AGBL4: variants seen among roughly 807,000 people sequenced by gnomAD.
AGBL4 encodes AGBL carboxypeptidase 4, also known as cytosolic carboxypeptidase 6.
A neutral mutation model predicts 66.4 loss-of-function variants in AGBL4; 58 were observed. The ratio of observed to expected loss-of-function variants is 0.87; its 90% CI spans 0.71 to 1.09. The LOEUF (loss-of-function observed/expected upper bound fraction) is 1.09. Among genes scored for constraint, AGBL4 ranks in the 50% least tolerant of loss-of-function variants. AGBL4 has a pLI of 0.00. For synonymous variants in AGBL4, 234 were observed against 222.9 expected, an observed-to-expected ratio of 1.05 and a Z score of -0.44; for missense variants, 579 against 631.0, an observed-to-expected ratio of 0.92 and a Z score of 0.88.
chr1:48,846,413 GA>G (rs1049689800), intron 6 of AGBL4, among the ~76,000 whole-genome samples: 2 of 144,980 alleles, frequency 1.4e-5, no homozygotes, highest in Non-Finnish European at 3.0e-5. Flanking sequence ...AAGAAAGAAA[GA>G]AAGAAAGAAA....
chr1:49,695,467 G>T (rs1427650836), intron 3 of AGBL4, among the ~76,000 whole-genome samples: 1 of 152,084 alleles, frequency 6.6e-6, no homozygotes, highest in Non-Finnish European at 1.5e-5. Flanking sequence ...ATACTTTAAG[G>T]ATTATTGATT....
At chr1:49,334,205 C>T (rs960706590) in intron 3 of AGBL4, among the ~76,000 whole-genome samples, 5 of 148,624 alleles carry the variant, frequency 3.4e-5, no homozygotes, top group Non-Finnish European at 5.9e-5. Flanking sequence ...TATTTAAGTA[C>T]GTAGATAAGG....
chr1:49,029,377 G>A (rs1664026460), intron 5 of AGBL4, among the ~76,000 whole-genome samples: 1 of 152,068 alleles, frequency 6.6e-6, no homozygotes, highest in Non-Finnish European at 1.5e-5. Context: ...GAATGAAAAT[G>A]CAAAGCTAAA....
intron 7 of AGBL4, among the ~76,000 whole-genome samples, chr1:48,656,583 G>C (rs967256439): frequency 1.3e-5 from 2 of 152,222 alleles, no homozygotes; most frequent in Non-Finnish European, 2.9e-5. Flanking sequence ...AGAGATATTG[G>C]AAAGGGGACT....
At position 48,982,371 on chromosome 1, in the gene AGBL4, G is replaced by A. The variant is rs956402369; in HGVS notation, c.594+63213C>T. On this transcript the variant is annotated intron_variant, in intron 5 of 13. Coordinates refer to ENST00000371839, the MANE Select transcript of AGBL4 (RefSeq NM_032785.4). ...TCCCCCCACCCCACAACAGGCCCCA[G>A]TGTGTGATGTTCCCCTTCCTGTGTC... Among the ~76,000 whole-genome samples, 8 of 152,060 alleles carry A rather than the reference G, an allele frequency of 5.3e-5. No individual in the cohort carries two copies. The South Asian group carries it at 8.3e-4, about 16-fold the overall frequency.
At chr1:48,694,698 C>T (rs1646687643) in intron 6 of AGBL4, among the ~76,000 whole-genome samples, 1 of 152,200 alleles carries the variant, frequency 6.6e-6, no homozygotes, top group Non-Finnish European at 1.5e-5. Flanking sequence ...TATCCATCAG[C>T]TTCCACTCTG....
At chr1:49,614,902 A>G (rs1645222889) in intron 3 of AGBL4, among the ~76,000 whole-genome samples, 1 of 152,142 alleles carries the variant, frequency 6.6e-6, no homozygotes, top group African/African-American at 2.4e-5. Flanking sequence ...TATTTTATTC[A>G]TATTAGCACT....
At chr1:49,166,907 T>C (rs914148119) in intron 4 of AGBL4, among the ~76,000 whole-genome samples, 2 of 152,210 alleles carry the variant, frequency 1.3e-5, no homozygotes, top group African/African-American at 4.8e-5. Context: ...GATTCTTTTC[T>C]TCCCCATTTT....
intron 2 of AGBL4, among the ~76,000 whole-genome samples, chr1:49,766,778 A>G (rs1652761282): frequency 1.3e-5 from 2 of 152,146 alleles, no homozygotes; most frequent in South Asian, 4.1e-4. Context: ...AACAGAGGTC[A>G]GGTCAATGTT....
In AGBL4 at chr1:49,261,920, C is replaced by T. The variant is rs1442781790; in HGVS notation, c.283-16056G>A. ...CCTGACTTCAAACTATACTACAAGGCTACAGTAACCAAAACAGCATGGTAC... is the reference window on the plus strand; with the variant it reads ...CCTGACTTCAAACTATACTACAAGGTTACAGTAACCAAAACAGCATGGTAC... On this transcript the variant is annotated intron_variant, in intron 3 of 13. Coordinates refer to ENST00000371839, the MANE Select transcript of AGBL4 (RefSeq NM_032785.4). Among the ~76,000 whole-genome samples, 59 of 150,722 alleles carry T rather than the reference C, an allele frequency of 3.9e-4. 1 individual carries two copies. Among genetic ancestry groups the T allele is most frequent in the African/African-American group, 1.4e-3 (56 of 41,128 alleles).
chr1:49,674,726 C>A (rs562537093), intron 3 of AGBL4, among the ~76,000 whole-genome samples: 1 of 151,742 alleles, frequency 6.6e-6, no homozygotes, highest in East Asian at 1.9e-4. Flanking sequence ...AAAAAAAGAA[C>A]GAAATCACCA....
intron 4 of AGBL4, among the ~76,000 whole-genome samples, chr1:49,175,570 A>C (rs1646815724): frequency 6.6e-6 from 1 of 152,130 alleles, no homozygotes; most frequent in Admixed American, 6.5e-5. Flanking sequence ...AAATGACAGG[A>C]GTAGTGATAA....
intron 8 of AGBL4, among the ~76,000 whole-genome samples, chr1:48,648,493 A>G (rs1012701950): frequency 2.0e-5 from 3 of 152,172 alleles, no homozygotes; most frequent in Admixed American, 6.5e-5. Flanking sequence ...CAGGCGAGAG[A>G]AGTGTCTTGT....
chr1:49,863,936 C>G (rs896099684), intron 1 of AGBL4, among the ~76,000 whole-genome samples: 1 of 152,080 alleles, frequency 6.6e-6, no homozygotes, highest in Admixed American at 6.5e-5. Context: ...GGTATATAAC[C>G]CCCCAAAAAA....
chr1:49,947,010 A>T (rs774302008), intron 1 of AGBL4, among the ~76,000 whole-genome samples: 5 of 151,932 alleles, frequency 3.3e-5, no homozygotes, highest in Non-Finnish European at 7.4e-5. Context: ...AATCACGAAG[A>T]ATTAGACACC....
intron 2 of AGBL4, chr1:49,846,168 A>C (rs998177622): frequency 6.9e-7 from 1 of 1,450,530 alleles, no homozygotes; most frequent in African/African-American, 1.4e-5. Context: ...GGGTTCAATA[A>C]GTGTGGGAAA....
chr1:48,711,149 G>A (rs548580488), intron 6 of AGBL4, among the ~76,000 whole-genome samples: 1 of 152,252 alleles, frequency 6.6e-6, no homozygotes, highest in South Asian at 2.1e-4. Context: ...CCCAGCCCAT[G>A]GTCAGCATCC....
At chr1:49,000,462 T>C (rs1661317817) in intron 5 of AGBL4, among the ~76,000 whole-genome samples, 1 of 152,252 alleles carries the variant, frequency 6.6e-6, no homozygotes. Context: ...GCCTCCAGCA[T>C]ACCTTGTAAA....
At chr1:49,369,033 C>T (rs1038645434) in intron 3 of AGBL4, among the ~76,000 whole-genome samples, 10 of 151,974 alleles carry the variant, frequency 6.6e-5, no homozygotes, top group African/African-American at 2.4e-4. Flanking sequence ...GCCAAGGTAG[C>T]ACCTAGCACC....
Sources: gnomAD v4.1 joint callset for allele counts (sites outside exome capture counted in the v4.1 genomes callset) on GRCh38, gnomAD v4.1.1 for gene constraint, MANE v1.5 for transcripts, NCBI Gene and HGNC (gene_info 2026-07-23, HGNC 2026-07-21) for gene names.